ZNF385D: variants seen among roughly 807,000 people sequenced by gnomAD.
The protein encoded by ZNF385D is zinc finger protein 385D.
A neutral mutation model predicts 35.8 loss-of-function variants in ZNF385D; 15 were observed. That is an observed-to-expected ratio of 0.42 (90% confidence interval 0.28 to 0.64). ZNF385D has a LOEUF of 0.64. Ranked by LOEUF, ZNF385D falls within the 30% of genes least tolerant of loss-of-function variation. ZNF385D has a pLI of 0.23. For synonymous variants in ZNF385D, 212 were observed against 186.8 expected, an observed-to-expected ratio of 1.13 and a Z score of -1.10; for missense variants, 474 against 494.6, an observed-to-expected ratio of 0.96 and a Z score of 0.39.
At chr3:21,751,898 G>C (rs1270182020), upstream of ZNF385D, among the ~76,000 whole-genome samples, 2 of 151,932 alleles carry the variant, frequency 1.3e-5, no homozygotes, top group South Asian at 4.2e-4. Context: ...AGGCTGAAAT[G>C]ATCTTTGACC....
chr3:22,048,962 G>A (rs149976323), intron 3 of ZNF385D, among the ~76,000 whole-genome samples: 4 of 151,932 alleles, frequency 2.6e-5, no homozygotes, highest in Admixed American at 1.3e-4. Context: ...CTATTTTCTT[G>A]ACTTTTTCTT....
intron 2 of ZNF385D, among the ~76,000 whole-genome samples, chr3:21,645,423 C>G (rs535986502): frequency 6.6e-6 from 1 of 152,298 alleles, no homozygotes; most frequent in East Asian, 1.9e-4. Context: ...AAGCTACTGA[C>G]TCCTTTAGTC....
chr3:21,808,822 T>A (rs550770858), intron 3 of ZNF385D, among the ~76,000 whole-genome samples: 5 of 152,176 alleles, frequency 3.3e-5, no homozygotes, highest in Admixed American at 6.5e-5. Context: ...GCTCTGAGAA[T>A]TGAACAATGA....
intron 3 of ZNF385D, among the ~76,000 whole-genome samples, chr3:22,107,412 A>G (rs1320565190): frequency 6.6e-6 from 1 of 152,026 alleles, no homozygotes; most frequent in Admixed American, 6.6e-5. Flanking sequence ...AGGACTGTAA[A>G]ATCATTGATA....
chr3:21,608,023 G>GTTTTTTTTTGGTTTTTTTTTTTTTTTTTT (rs1553622610), intron 2 of ZNF385D, among the ~76,000 whole-genome samples: 12 of 120,214 alleles, frequency 1.0e-4, no homozygotes, highest in Admixed American at 1.8e-4. Flanking sequence ...TTTTTTTTTT[G>GTTTTTTTTTGGTTTTTTTTTTTTTTTTTT]TTTTTTTTTT....
intron 3 of ZNF385D, among the ~76,000 whole-genome samples, chr3:21,761,092 C>T (rs1489787513): frequency 6.6e-6 from 1 of 152,116 alleles, no homozygotes; most frequent in East Asian, 1.9e-4. Context: ...TGAAGAGGTA[C>T]ACATGGCAAG....
chr3:22,111,925 G>T (rs951416548), intron 3 of ZNF385D, among the ~76,000 whole-genome samples: 2 of 152,090 alleles, frequency 1.3e-5, no homozygotes, highest in Admixed American at 6.6e-5. Flanking sequence ...TTCAGTTCCA[G>T]TGCTGGCTTG....
chr3:21,743,907 T>G (rs2069637964), intron 1 of ZNF385D, among the ~76,000 whole-genome samples: 1 of 152,234 alleles, frequency 6.6e-6, no homozygotes, highest in African/African-American at 2.4e-5. Context: ...AATTGTAATT[T>G]CACAAAGTCA....
intron 3 of ZNF385D, among the ~76,000 whole-genome samples, chr3:22,098,082 G>C (rs762220038): frequency 2.0e-5 from 3 of 152,040 alleles, no homozygotes; most frequent in Admixed American, 6.6e-5. Flanking sequence ...GGTGGTAGTG[G>C]TGGTATATGT....
intron 3 of ZNF385D, among the ~76,000 whole-genome samples, chr3:22,074,476 A>T (rs559881026): frequency 6.6e-6 from 1 of 152,060 alleles, no homozygotes; most frequent in African/African-American, 2.4e-5. Flanking sequence ...ATGATAGTTG[A>T]ACATGAATCT....
At chr3:21,670,728 T>A (rs1402528937) in intron 1 of ZNF385D, among the ~76,000 whole-genome samples, 1 of 120,536 alleles carries the variant, frequency 8.3e-6, no homozygotes, top group Non-Finnish European at 1.6e-5. Flanking sequence ...CCTTGAAAAC[T>A]GAGTTCCCAG....
intron 2 of ZNF385D, among the ~76,000 whole-genome samples, chr3:22,270,643 G>A (rs1054628508): frequency 6.6e-6 from 1 of 150,940 alleles, no homozygotes; most frequent in Non-Finnish European, 1.5e-5. Context: ...AGGCTATAAA[G>A]CTACATGATG....
At chr3:21,853,118 T>C (rs922297652) in intron 3 of ZNF385D, among the ~76,000 whole-genome samples, 3 of 151,598 alleles carry the variant, frequency 2.0e-5, no homozygotes, top group East Asian at 2.0e-4. Flanking sequence ...AAACTAAACA[T>C]ATAGCAAAAA....
chr3:22,253,064 G>T (rs1261261736), intron 2 of ZNF385D, among the ~76,000 whole-genome samples: 5 of 152,048 alleles, frequency 3.3e-5, no homozygotes, highest in Non-Finnish European at 7.4e-5. Context: ...GATAGATGTT[G>T]GAAGATGACA....
At chr3:21,820,384 T>G (rs1454657983) in intron 3 of ZNF385D, among the ~76,000 whole-genome samples, 3 of 151,750 alleles carry the variant, frequency 2.0e-5, no homozygotes, top group Admixed American at 2.0e-4. Context: ...TATGAATAAA[T>G]CAATGTAAAT....
chr3:21,476,939 A>G (rs1031523704), intron 4 of ZNF385D, among the ~76,000 whole-genome samples: 1 of 152,096 alleles, frequency 6.6e-6, no homozygotes, highest in Non-Finnish European at 1.5e-5. Flanking sequence ...GGAGTCCGTG[A>G]GAATGTTCTG....
chr3:21,772,311 T>C (rs73038836), intron 3 of ZNF385D, among the ~76,000 whole-genome samples: 44,207 of 151,614 alleles, frequency 0.29, 7,435 homozygotes, highest in Middle Eastern at 0.46. Context: ...TGGAAGACAA[T>C]ATTTGCAAAT....
intron 3 of ZNF385D, among the ~76,000 whole-genome samples, chr3:21,991,883 A>G (rs1364600704): frequency 6.6e-6 from 1 of 152,224 alleles, no homozygotes; most frequent in South Asian, 2.1e-4. Context: ...GCATGCCTGC[A>G]TGGATTTTAC....
intron 1 of ZNF385D, among the ~76,000 whole-genome samples, chr3:21,737,262 T>C (rs2069288607): frequency 6.6e-6 from 1 of 152,194 alleles, no homozygotes; most frequent in Non-Finnish European, 1.5e-5. Flanking sequence ...AACAAAGAAT[T>C]ATTATGCACT....
Sources: gnomAD v4.1 joint callset for allele counts (sites outside exome capture counted in the v4.1 genomes callset) on GRCh38, gnomAD v4.1.1 for gene constraint, MANE v1.5 for transcripts, NCBI Gene and HGNC (gene_info 2026-07-23, HGNC 2026-07-21) for gene names.